LRRC4C: variants seen among roughly 807,000 people sequenced by gnomAD.
LRRC4C encodes the protein leucine-rich repeat-containing protein 4C.
A neutral mutation model predicts 33.6 loss-of-function variants in LRRC4C; 5 were observed. That is an observed-to-expected ratio of 0.15 (90% CI 0.08 to 0.31). LRRC4C has a LOEUF of 0.31. Among genes scored for constraint, LRRC4C ranks in the 10% least tolerant of loss-of-function variants. The probability of loss-of-function intolerance (pLI) is 1.00; values close to 1 mark genes in which losing one functional copy is unlikely to be tolerated. For missense variants in LRRC4C, 560 were observed against 796.7 expected (o/e 0.70, Z 3.58); for synonymous variants, 329 against 302.0 (o/e 1.09, Z -0.93).
intron 1 of LRRC4C, among the ~76,000 whole-genome samples, chr11:41,244,186 T>G (rs994373320): frequency 2.0e-5 from 3 of 150,720 alleles, no homozygotes; most frequent in South Asian, 2.2e-4. Context: ...TCTATCTATC[T>G]ATCTATCGAT....
At chr11:41,029,373 T>A (rs1223336041) in intron 1 of LRRC4C, among the ~76,000 whole-genome samples, 1 of 151,780 alleles carries the variant, frequency 6.6e-6, no homozygotes, top group African/African-American at 2.4e-5. Context: ...TGTGGGCCTA[T>A]CAGTCAAGCA....
chr11:40,225,267 G>A (rs905508252), intron 5 of LRRC4C, among the ~76,000 whole-genome samples: 2 of 152,104 alleles, frequency 1.3e-5, no homozygotes, highest in African/African-American at 4.8e-5. Context: ...GTGGCCTCTG[G>A]AGACTTTAAC....
chr11:40,657,508 G>A (rs11035998), intron 2 of LRRC4C, among the ~76,000 whole-genome samples: 13 of 151,994 alleles, frequency 8.6e-5, no homozygotes, highest in Non-Finnish European at 1.8e-4. Flanking sequence ...TTATCTCTCT[G>A]CTCACTAAGA....
chr11:40,540,539 C>T (rs747729804), intron 3 of LRRC4C, among the ~76,000 whole-genome samples: 8 of 152,214 alleles, frequency 5.3e-5, no homozygotes, highest in Middle Eastern at 3.4e-3. Context: ...GGGATAAAAG[C>T]CAACTAGTGC....
chr11:41,302,245 T>C (rs1950307316), intron 1 of LRRC4C, among the ~76,000 whole-genome samples: 1 of 152,146 alleles, frequency 6.6e-6, no homozygotes, highest in Non-Finnish European at 1.5e-5. Context: ...TAGATAAATA[T>C]TTGAGAGGAA....
chr11:40,328,919 TTAAA>T (rs1309279568), intron 3 of LRRC4C, among the ~76,000 whole-genome samples: 31 of 152,328 alleles, frequency 2.0e-4, no homozygotes, highest in African/African-American at 7.2e-4. Flanking sequence ...ACTAAATATA[TTAAA>T]TAGCTTCTTT....
At chr11:40,735,133 G>A (rs1947793917) in intron 2 of LRRC4C, among the ~76,000 whole-genome samples, 1 of 151,944 alleles carries the variant, frequency 6.6e-6, no homozygotes, top group South Asian at 2.1e-4. Context: ...TACATAATTA[G>A]CTTCTCTTTT....
chr11:40,895,856 A>C (rs1955915795), intron 2 of LRRC4C, among the ~76,000 whole-genome samples: 1 of 152,176 alleles, frequency 6.6e-6, no homozygotes, highest in African/African-American at 2.4e-5. Context: ...ATCTGAGCCC[A>C]ACCCTGCAAT....
At chr11:40,839,400 C>G (rs1234678888) in intron 2 of LRRC4C, among the ~76,000 whole-genome samples, 1 of 152,156 alleles carries the variant, frequency 6.6e-6, no homozygotes, top group Non-Finnish European at 1.5e-5. Context: ...CACCCACCAC[C>G]ATGCCTGGCT....
chr11:40,888,116 T>G (rs1256034020), intron 2 of LRRC4C, among the ~76,000 whole-genome samples: 1 of 151,962 alleles, frequency 6.6e-6, no homozygotes, highest in Non-Finnish European at 1.5e-5. Flanking sequence ...GTTAGTTAAG[T>G]AGCTTAAAAC....
At chr11:41,197,012 T>A (rs1455980662) in intron 1 of LRRC4C, among the ~76,000 whole-genome samples, 4 of 152,034 alleles carry the variant, frequency 2.6e-5, no homozygotes, top group Non-Finnish European at 2.9e-5. Context: ...CTTCTTTGAT[T>A]TCCCCAGCCT....
chr11:40,510,390 C>T (rs1955253629), intron 3 of LRRC4C, among the ~76,000 whole-genome samples: 1 of 151,726 alleles, frequency 6.6e-6, no homozygotes. Context: ...TAGTTGATTT[C>T]GTAACAAACA....
chr11:40,859,185 T>A (rs896217311), intron 2 of LRRC4C, among the ~76,000 whole-genome samples: 13 of 152,210 alleles, frequency 8.5e-5, no homozygotes, highest in African/African-American at 2.7e-4. Flanking sequence ...AAGAGAATCG[T>A]GGACTAAGCA....
intron 1 of LRRC4C, among the ~76,000 whole-genome samples, chr11:40,971,441 G>A (rs562501152): frequency 5.3e-4 from 81 of 152,270 alleles, no homozygotes; most frequent in African/African-American, 1.8e-3. Flanking sequence ...GGGGGAGGAG[G>A]GAACAGAATG....
chr11:40,208,983 C>T (rs1471780098), intron 5 of LRRC4C, among the ~76,000 whole-genome samples: 3 of 43,096 alleles, frequency 7.0e-5, no homozygotes, highest in Non-Finnish European at 2.1e-4. Flanking sequence ...GTGTGTGTTT[C>T]TTCCTGAGGG....
At chr11:40,721,922 G>T (rs1177467834) in intron 2 of LRRC4C, among the ~76,000 whole-genome samples, 1 of 152,124 alleles carries the variant, frequency 6.6e-6, no homozygotes, top group African/African-American at 2.4e-5. Context: ...TCCAGCCTGG[G>T]CGACAGAGCG....
chr11:41,386,203 T>C (rs918861223), intron 1 of LRRC4C, among the ~76,000 whole-genome samples: 1 of 151,586 alleles, frequency 6.6e-6, no homozygotes, highest in African/African-American at 2.4e-5. Flanking sequence ...GATGGAGCAA[T>C]AATGGATGGC....
chr11:40,584,729 G>A (rs961917252), intron 3 of LRRC4C, among the ~76,000 whole-genome samples: 1 of 151,762 alleles, frequency 6.6e-6, no homozygotes, highest in Admixed American at 6.6e-5. Flanking sequence ...GTCAGGAGTT[G>A]AAGAACAGCC....
At chr11:40,243,580 G>A (rs1866084228) in intron 4 of LRRC4C, among the ~76,000 whole-genome samples, 1 of 151,544 alleles carries the variant, frequency 6.6e-6, no homozygotes, top group South Asian at 2.1e-4. Flanking sequence ...CTCATTTTGT[G>A]CTAGGTTTCC....
Sources: allele counts gnomAD v4.1 joint callset (sites outside exome capture counted in the v4.1 genomes callset), GRCh38; gene constraint gnomAD v4.1.1; transcripts MANE v1.5; gene names NCBI Gene and HGNC (gene_info 2026-07-23, HGNC 2026-07-21).